Variants in CENPW observed in about 807,000 individuals in gnomAD.
The protein encoded by CENPW is cancer-up-regulated gene 2 protein.
CENPW carries 3 observed loss-of-function variants against 11.1 expected under a neutral mutation model. That is an observed-to-expected ratio of 0.27 (90% confidence interval 0.12 to 0.70). CENPW has a LOEUF of 0.70. Ranked by LOEUF, CENPW falls within the 30% of genes least tolerant of loss-of-function variation. The pLI, the probability that CENPW is intolerant of heterozygous loss-of-function variation, is 0.77. For missense variants in CENPW, 100 were observed against 105.6 expected (o/e 0.95, Z 0.23); for synonymous variants, 38 against 42.0 (o/e 0.91, Z 0.37).
the CENPW span, among the ~76,000 whole-genome samples, chr6:126,390,434 C>T: frequency 6.6e-6 from 1 of 151,868 alleles, no homozygotes; most frequent in Non-Finnish European, 1.5e-5. Context: ...ATGGGATATC[C>T]ATCCCCTCAA....
At chr6:126,469,968 G>A in the CENPW span, among the ~76,000 whole-genome samples, 1 of 152,206 alleles carries the variant, frequency 6.6e-6, no homozygotes, top group Non-Finnish European at 1.5e-5. Context: ...ATTTCAAAAG[G>A]AAGCAGAGCA....
chr6:126,345,712 A>G (rs1322513948), intron 1 of CENPW, among the ~76,000 whole-genome samples: 1 of 152,048 alleles, frequency 6.6e-6, no homozygotes, highest in Non-Finnish European at 1.5e-5. Context: ...CAATTTAGCA[A>G]ACTTAAACAA....
intron 1 of CENPW, 133 bp from the exon 2 acceptor site, chr6:126,346,072 A>C (rs1370909736): frequency 2.0e-6 from 1 of 494,932 alleles, no homozygotes; most frequent in East Asian, 3.0e-5. Context: ...TGTAATTTTA[A>C]ATAGAAGAGT....
chr6:126,470,448 A>G, the CENPW span, among the ~76,000 whole-genome samples: 6 of 152,248 alleles, frequency 3.9e-5, no homozygotes, highest in Admixed American at 2.6e-4. Flanking sequence ...ATGTCCAGGA[A>G]GAAGTCTGCT....
the CENPW span, among the ~76,000 whole-genome samples, chr6:126,477,829 G>T: frequency 6.6e-6 from 1 of 150,558 alleles, no homozygotes; most frequent in South Asian, 2.1e-4. Context: ...AAGCTTCTAG[G>T]TTCTAGAACA....
At chr6:126,407,394 T>C in the CENPW span, among the ~76,000 whole-genome samples, 2 of 152,218 alleles carry the variant, frequency 1.3e-5, no homozygotes, top group Admixed American at 1.3e-4. Flanking sequence ...TCAATGAACA[T>C]ACATGTGCAT....
the CENPW span, among the ~76,000 whole-genome samples, chr6:126,419,687 G>C: frequency 2.0e-5 from 3 of 152,026 alleles, no homozygotes; most frequent in Non-Finnish European, 4.4e-5. Flanking sequence ...TTATAGCTGG[G>C]CTGTGCTTCC....
At chr6:126,366,529 C>T in the CENPW span, among the ~76,000 whole-genome samples, 86 of 152,188 alleles carry the variant, frequency 5.7e-4, no homozygotes, top group African/African-American at 1.9e-3. Flanking sequence ...TACTTGTATA[C>T]GTACCTTTGA....
the CENPW span, among the ~76,000 whole-genome samples, chr6:126,360,112 G>A: frequency 1.4e-4 from 21 of 152,176 alleles, no homozygotes; most frequent in Non-Finnish European, 2.6e-4. Flanking sequence ...TTATAAGGCC[G>A]GTCTAATTGT....
chr6:126,429,406 C>T, the CENPW span, among the ~76,000 whole-genome samples: 1 of 152,044 alleles, frequency 6.6e-6, no homozygotes, highest in East Asian at 1.9e-4. Context: ...GGGGTGGATT[C>T]CCCATCCCTT....
chr6:126,340,202 A>T lies in CENPW; in HGVS notation c.-72A>T. On this transcript the variant is annotated 5_prime_UTR_variant, in exon 1 of 3. Transcript: ENST00000368328. ...CGGACCGGATTGTTTTCGCTGGCCC[A>T]GTGTCCCCGGAGCTTGTGTGCGATA... 6.3e-6 allele frequency: 9 copies of T among 1,426,028 alleles called. No individual in the cohort carries two copies. Among genetic ancestry groups the T allele is most frequent in the Non-Finnish European group, 8.8e-6 (9 of 1,021,298 alleles). The allele number at this position is 1,426,028 out of a possible 1,614,324, so 88.3% of individuals were successfully genotyped here. A position where few individuals can be genotyped will look rare whatever the true frequency, so the allele number is the denominator to read the frequency against.
chr6:126,340,635 A>C (rs1780285395), intron 1 of CENPW, among the ~76,000 whole-genome samples: 1 of 152,186 alleles, frequency 6.6e-6, no homozygotes, highest in Admixed American at 6.5e-5. Flanking sequence ...TTTTAAAGGG[A>C]GACTGTTAGT....
At chr6:126,392,843 A>G in the CENPW span, among the ~76,000 whole-genome samples, 2 of 151,722 alleles carry the variant, frequency 1.3e-5, no homozygotes, top group African/African-American at 2.4e-5. Context: ...CTCTTTCTCT[A>G]TTTCTCAGAA....
chr6:126,467,549 G>C, the CENPW span, among the ~76,000 whole-genome samples: 1 of 152,240 alleles, frequency 6.6e-6, no homozygotes, highest in South Asian at 2.1e-4. Flanking sequence ...GCCAAAGCTG[G>C]AACAATTTGC....
the CENPW span, among the ~76,000 whole-genome samples, chr6:126,411,412 T>A: frequency 6.6e-6 from 1 of 152,292 alleles, no homozygotes; most frequent in South Asian, 2.1e-4. Context: ...TAATGACAGG[T>A]CTGAATCAGT....
At chr6:126,480,260 A>C in the CENPW span, among the ~76,000 whole-genome samples, 1 of 152,078 alleles carries the variant, frequency 6.6e-6, no homozygotes, top group Non-Finnish European at 1.5e-5. Context: ...GGTTAGGAGA[A>C]ATAAAAAATG....
chr6:126,412,384 CT>C, the CENPW span, among the ~76,000 whole-genome samples: 3,504 of 152,060 alleles, frequency 0.023, 115 homozygotes, highest in African/African-American at 0.08. Context: ...ATCCCACTGC[CT>C]TCTGGCCTCC....
chr6:126,428,233 A>T, the CENPW span, among the ~76,000 whole-genome samples: 3 of 152,202 alleles, frequency 2.0e-5, no homozygotes, highest in Non-Finnish European at 4.4e-5. Context: ...AAACCCACTG[A>T]AACTATACTT....
the CENPW span, among the ~76,000 whole-genome samples, chr6:126,439,273 G>A: frequency 1.3e-5 from 2 of 151,624 alleles, no homozygotes. Context: ...CTTTTAATTG[G>A]CTGGAGAATA....
Sources: allele counts gnomAD v4.1 joint callset (sites outside exome capture counted in the v4.1 genomes callset), GRCh38; gene constraint gnomAD v4.1.1; transcripts MANE v1.5; gene names NCBI Gene and HGNC (gene_info 2026-07-23, HGNC 2026-07-21).